Variants in IFT46 observed in about 807,000 individuals in gnomAD.
IFT46 encodes the protein intraflagellar transport 46.
IFT46 carries 19 observed loss-of-function variants against 39.6 expected under a neutral mutation model. The ratio of observed to expected loss-of-function variants is 0.48; its 90% CI spans 0.33 to 0.70. IFT46 has a LOEUF of 0.70. Ranked by LOEUF, IFT46 falls within the 30% of genes least tolerant of loss-of-function variation. The probability of loss-of-function intolerance (pLI) is 0.01; values close to 1 mark genes in which losing one functional copy is unlikely to be tolerated. For synonymous variants in IFT46, 117 were observed against 134.8 expected (o/e 0.87, Z 0.91); for missense variants, 334 against 364.8 (o/e 0.92, Z 0.69).
chr11:118,554,591 G>A lies in IFT46; in HGVS notation c.355-4C>T, dbSNP rs1555069090. The A allele has an allele frequency of 6.3e-7, 1 of 1,586,510 alleles. No individual in the cohort carries two copies. Among genetic ancestry groups the A allele is most frequent in the Admixed American group, 2.0e-5 (1 of 50,978 alleles). On this transcript the variant is annotated splice_polypyrimidine_tract_variant and splice_region_variant and intron_variant, in intron 6 of 11. Coordinates refer to ENST00000264021, the MANE Select transcript of IFT46 (RefSeq NM_001168618.2). ...GCTTTCCATCAGGACGTGGGACCTG[G>A]TTAAGAAAAAGGTAAGAAAGCAGAA...
intron 6 of IFT46, among the ~76,000 whole-genome samples, 184 bp from the exon 7 acceptor site, chr11:118,554,771 T>C (rs531005308): frequency 6.6e-6 from 1 of 152,198 alleles, no homozygotes; most frequent in South Asian, 2.1e-4. Context: ...CATAGATAAT[T>C]AGGAAGCAAA....
At chr11:118,557,133 A>G in intron 3 of IFT46, 88 bp from the exon 4 acceptor site, 2 of 1,198,142 alleles carry the variant, frequency 1.7e-6, no homozygotes, top group Non-Finnish European at 2.2e-6. Context: ...TAACCAATAC[A>G]CCAACCACCT....
At chr11:118,545,940 T>C in intron 9 of IFT46, 87 bp from the exon 10 acceptor site, 1 of 1,168,496 alleles carries the variant, frequency 8.6e-7, no homozygotes, top group Admixed American at 1.7e-5. Context: ...AAAGAGCTTC[T>C]AGCATAAGAC....
chr11:118,571,528 C>A (rs1938335521), intron 1 of IFT46, among the ~76,000 whole-genome samples: 1 of 152,188 alleles, frequency 6.6e-6, no homozygotes, highest in East Asian at 1.9e-4. Flanking sequence ...CGTGGCTGCA[C>A]TATTTTACAT....
intron 1 of IFT46, chr11:118,572,563 C>G: frequency 6.2e-7 from 1 of 1,608,060 alleles, no homozygotes; most frequent in East Asian, 2.2e-5. Flanking sequence ...AAGATCCGAG[C>G]CAGGACCCGA....
At chr11:118,546,495 AGG>A (rs1555067203) in intron 9 of IFT46, 1 of 222,988 alleles carries the variant, frequency 4.5e-6, no homozygotes. Flanking sequence ...GTAAAAAAAA[AGG>A]AAGGAAGGGA....
intron 2 of IFT46, among the ~76,000 whole-genome samples, chr11:118,562,673 C>G (rs1938097278): frequency 6.6e-6 from 1 of 152,096 alleles, no homozygotes; most frequent in African/African-American, 2.4e-5. Flanking sequence ...AACAGGGACT[C>G]AAATGGACAC....
At position 118,544,934 on chromosome 11, in the gene IFT46, C is replaced by T; in HGVS notation, c.897G>A (p.Glu299=). The change falls in exon 12 of 12, where the codon GAG becomes GAA. Residue 299 remains glutamate (E), a synonymous_variant. Transcript: ENST00000264021. ...AAGTGTCTCAGCTGAAGGTTAATGTCTCCATGTCTCCAGCTTGGGAGGTGG... is the reference window on the plus strand; with the variant it reads ...AAGTGTCTCAGCTGAAGGTTAATGTTTCCATGTCTCCAGCTTGGGAGGTGG... The part of the protein sequence containing the change: ...SNSTSQAGDM[E]TLTFS 1.2e-6 allele frequency: 2 copies of T among 1,613,080 alleles called. No individual in the cohort carries two copies. Among genetic ancestry groups the T allele is most frequent in the Non-Finnish European group, 8.5e-7 (1 of 1,179,234 alleles).
chr11:118,576,803 T>G (rs1938525511), upstream of IFT46, among the ~76,000 whole-genome samples: 1 of 152,166 alleles, frequency 6.6e-6, no homozygotes, highest in Non-Finnish European at 1.5e-5. Context: ...TTTGGAAGCC[T>G]TGTTTTGCTT....
chr11:118,572,580 G>C (rs1555072642), intron 1 of IFT46: 2 of 1,601,760 alleles, frequency 1.2e-6, no homozygotes, highest in African/African-American at 2.7e-5. Context: ...CCGAACTCCT[G>C]GGGTCCGAGC....
At position 118,556,892 on chromosome 11, in the gene IFT46, T is replaced by C. The variant is rs1555069597; in HGVS notation, c.185+14A>G. On this transcript the variant is annotated intron_variant, in intron 4 of 11. Coordinates refer to ENST00000264021, the MANE Select transcript of IFT46 (RefSeq NM_001168618.2). ...TTCTGAAGAGCACCCTTGGCTTGGG[T>C]GTTCTTTCCTCACCCTTCCAGAGGG... The C allele has an allele frequency of 6.4e-6, 10 of 1,566,178 alleles. No individual in the cohort carries two copies. The highest frequency in any genetic ancestry group is 7.8e-6 in the Non-Finnish European group (9 of 1,155,350).
At chr11:118,565,622 A>G (rs1938202810) in intron 1 of IFT46, 168 bp downstream of exon 1, 1 of 152,468 alleles carries the variant, frequency 6.6e-6, no homozygotes, top group African/African-American at 2.4e-5. Flanking sequence ...ATAGGATCCC[A>G]CCTAAGTTTC....
At chr11:118,560,672 G>A (rs534555746) in intron 2 of IFT46, 9 of 537,818 alleles carry the variant, frequency 1.7e-5, no homozygotes, top group East Asian at 1.1e-4. Flanking sequence ...CCGCAAACGC[G>A]GGTCTCTGTT....
chr11:118,558,323 G>A (rs1469650150), intron 3 of IFT46, among the ~76,000 whole-genome samples: 1 of 152,220 alleles, frequency 6.6e-6, no homozygotes, highest in Non-Finnish European at 1.5e-5. Flanking sequence ...TCAGCCCGGG[G>A]TGGTGGCTCA....
At chr11:118,547,779 C>G (rs1951725833) in intron 9 of IFT46, among the ~76,000 whole-genome samples, 1 of 136,004 alleles carries the variant, frequency 7.4e-6, no homozygotes, top group Admixed American at 7.7e-5. Flanking sequence ...CAGAGTCTCA[C>G]TCTTTCGCCC....
At chr11:118,572,494 A>G (rs1219433501) in intron 1 of IFT46, 8 of 1,604,972 alleles carry the variant, frequency 5.0e-6, no homozygotes, top group African/African-American at 1.3e-5. Context: ...CCCAGACCCT[A>G]CCCCTATCCC....
intron 2 of IFT46, chr11:118,561,538 G>A (rs781818033): frequency 4.2e-6 from 3 of 706,548 alleles, no homozygotes; most frequent in Non-Finnish European, 7.6e-6. Context: ...CTTAAAAGAA[G>A]GCAAGCTCCC....
chr11:118,566,383 G>A (rs1383727775), upstream of IFT46, among the ~76,000 whole-genome samples: 2 of 152,176 alleles, frequency 1.3e-5, no homozygotes, highest in Non-Finnish European at 2.9e-5. Flanking sequence ...TATTCCTTGG[G>A]TATCTGAGGT....
intron 9 of IFT46, among the ~76,000 whole-genome samples, chr11:118,548,044 C>T (rs1215140950): frequency 6.9e-6 from 1 of 145,416 alleles, no homozygotes; most frequent in Non-Finnish European, 1.5e-5. Context: ...CCACGCCCAG[C>T]CTTTTTTTTT....
Sources: allele counts gnomAD v4.1 joint callset (sites outside exome capture counted in the v4.1 genomes callset), GRCh38; gene constraint gnomAD v4.1.1; transcripts MANE v1.5; gene names NCBI Gene and HGNC (gene_info 2026-07-23, HGNC 2026-07-21).